The following RAD51B variants were observed in gnomAD, a reference collection of about 807,000 sequenced individuals.
RAD51B encodes the protein RAD51 paralog B.
RAD51B carries 38 observed loss-of-function variants against 42.2 expected under a neutral mutation model. The ratio of observed to expected loss-of-function variants is 0.90; its 90% CI spans 0.70 to 1.18. The LOEUF (loss-of-function observed/expected upper bound fraction) is 1.18. Ranked by LOEUF, RAD51B falls within the 50% of genes most tolerant of loss-of-function variation. RAD51B has a pLI of 0.00. For synonymous variants in RAD51B, 154 were observed against 145.2 expected (o/e 1.06, Z -0.43); for missense variants, 373 against 400.7 (o/e 0.93, Z 0.59).
intron 9 of RAD51B, among the ~76,000 whole-genome samples, chr14:68,448,945 ATCT>A (rs1266260341): frequency 7.9e-5 from 12 of 152,242 alleles, no homozygotes; most frequent in African/African-American, 2.9e-4. Flanking sequence ...ATGGTATATA[ATCT>A]TCTAGGCTTT....
chr14:68,527,059 G>A (rs1242956101), intron 10 of RAD51B, among the ~76,000 whole-genome samples: 1 of 152,144 alleles, frequency 6.6e-6, no homozygotes, highest in Non-Finnish European at 1.5e-5. Context: ...GGCAGAACGG[G>A]GAGCTCAGGA....
intron 7 of RAD51B, among the ~76,000 whole-genome samples, chr14:68,107,605 C>T (rs895874922): frequency 2.0e-5 from 3 of 151,670 alleles, no homozygotes. Flanking sequence ...ACAGTGTGGT[C>T]CTAGCATAGG....
At chr14:67,829,260 T>C (rs571529724) in intron 3 of RAD51B, among the ~76,000 whole-genome samples, 15 of 151,956 alleles carry the variant, frequency 9.9e-5, no homozygotes, top group African/African-American at 3.6e-4. Context: ...TTTTTTTTTT[T>C]GAGACAGAGT....
rs549102531 is a variant in RAD51B at position 67,858,956 on chromosome 14, C to T, written c.316-6047C>T. On this transcript the variant is annotated intron_variant, in intron 4 of 10. Coordinates refer to ENST00000471583, the MANE Select transcript of RAD51B (RefSeq NM_133510.4). The stretch of plus-strand genomic sequence containing the variant: ...AAGTTCCATAAAAATGTTTAGAGCT[C>T]TGAATTTAGACTAGCATTCTCCAAA... Among the ~76,000 whole-genome samples, 23 of 152,324 alleles carry T rather than the reference C, an allele frequency of 1.5e-4. No homozygotes were observed. The East Asian group carries it at 2.9e-3, about 19-fold the overall frequency.
At chr14:68,435,741 A>G (rs2085133036) in intron 9 of RAD51B, among the ~76,000 whole-genome samples, 1 of 152,018 alleles carries the variant, frequency 6.6e-6, no homozygotes. Flanking sequence ...ATGGTATCTC[A>G]TTGTGGTTTT....
intron 5 of RAD51B, among the ~76,000 whole-genome samples, chr14:67,884,413 A>G (rs1239756859): frequency 6.6e-6 from 1 of 152,208 alleles, no homozygotes; most frequent in South Asian, 2.1e-4. Context: ...TCAAATTTTG[A>G]AAAATTTCCA....
chr14:68,376,781 A>G (rs994642094), intron 8 of RAD51B, among the ~76,000 whole-genome samples: 3 of 152,214 alleles, frequency 2.0e-5, no homozygotes, highest in African/African-American at 7.2e-5. Flanking sequence ...TATTCTTGGC[A>G]GTTTACATAG....
intron 7 of RAD51B, among the ~76,000 whole-genome samples, chr14:67,987,726 C>G (rs1018288337): frequency 7.2e-5 from 11 of 152,148 alleles, no homozygotes; most frequent in African/African-American, 2.4e-4. Flanking sequence ...TTTATCTGAA[C>G]TTAACTGAAT....
At chr14:68,360,578 TC>T (rs1341992781) in intron 8 of RAD51B, among the ~76,000 whole-genome samples, 1 of 152,144 alleles carries the variant, frequency 6.6e-6, no homozygotes, top group East Asian at 1.9e-4. Context: ...TCCCAACAAC[TC>T]TACATCGTAT....
At position 68,650,881 on chromosome 14, in the gene RAD51B, TC is replaced by T. The variant is rs759787766; in HGVS notation, c.*11+26del. The T allele has an allele frequency of 1.2e-4, 89 of 736,798 alleles. No homozygotes were observed. The East Asian group carries it at 2.2e-3, about 18-fold the overall frequency. 45.6% of individuals were successfully genotyped at this position (736,798 alleles called of 1,614,324 possible). A position where few individuals can be genotyped will look rare whatever the true frequency, so the allele number is the denominator to read the frequency against. ...GGTATGAACAAAATAGCATTCTCCC[TC>T]ACAACAGGGAAAAGTAACCACTACC... On this transcript the variant is annotated intron_variant, in intron 11 of 11. Transcript: ENST00000488612.
chr14:68,081,166 C>T (rs975467771), intron 7 of RAD51B, among the ~76,000 whole-genome samples: 6 of 152,152 alleles, frequency 3.9e-5, no homozygotes, highest in African/African-American at 1.4e-4. Flanking sequence ...AAATTTTGTC[C>T]TATAATGAGG....
chr14:68,425,123 C>T (rs1481717040), intron 9 of RAD51B, among the ~76,000 whole-genome samples: 1 of 152,188 alleles, frequency 6.6e-6, no homozygotes, highest in African/African-American at 2.4e-5. Flanking sequence ...TAGGACCCCT[C>T]TGTGTAGGGG....
At chr14:68,263,783 T>G (rs1421303339) in intron 7 of RAD51B, among the ~76,000 whole-genome samples, 2 of 152,202 alleles carry the variant, frequency 1.3e-5, no homozygotes, top group Non-Finnish European at 2.9e-5. Context: ...TCATCTGACA[T>G]TTTCTTGTGG....
chr14:68,047,735 C>T (rs1377573332), intron 7 of RAD51B, among the ~76,000 whole-genome samples: 1 of 152,112 alleles, frequency 6.6e-6, no homozygotes, highest in African/African-American at 2.4e-5. Context: ...ATACCTTGAG[C>T]TTATATTTCA....
At chr14:68,232,674 C>T (rs1208010646) in intron 7 of RAD51B, among the ~76,000 whole-genome samples, 1 of 152,184 alleles carries the variant, frequency 6.6e-6, no homozygotes, top group Non-Finnish European at 1.5e-5. Flanking sequence ...AGGATATTGT[C>T]AGAGGTAAAT....
chr14:67,959,828 C>G (rs1442563112), intron 7 of RAD51B, among the ~76,000 whole-genome samples: 1 of 152,112 alleles, frequency 6.6e-6, no homozygotes, highest in Non-Finnish European at 1.5e-5. Context: ...CCCTGTAACC[C>G]TAGCACTTTG....
intron 7 of RAD51B, among the ~76,000 whole-genome samples, chr14:68,042,276 G>A (rs2076230210): frequency 6.6e-6 from 1 of 152,164 alleles, no homozygotes; most frequent in East Asian, 1.9e-4. Context: ...TGTAATCAGA[G>A]CTTGTTTTCT....
intron 8 of RAD51B, among the ~76,000 whole-genome samples, chr14:68,331,367 C>CAAAAAATAAAAAAAAAAAAAAAA (rs2082345009): frequency 3.0e-5 from 1 of 32,946 alleles, no homozygotes; most frequent in African/African-American, 7.8e-5. Context: ...GACTCTGTCT[C>CAAAAAATAAAAAAAAAAAAAAAA]AAAAAAAAAA....
intron 8 of RAD51B, among the ~76,000 whole-genome samples, chr14:68,359,839 T>C (rs1048339285): frequency 6.6e-6 from 1 of 152,176 alleles, no homozygotes; most frequent in African/African-American, 2.4e-5. Context: ...ATAGAGACTT[T>C]AGAGACTAGT....
Sources: gnomAD v4.1 joint callset for allele counts (sites outside exome capture counted in the v4.1 genomes callset) on GRCh38, gnomAD v4.1.1 for gene constraint, MANE v1.5 for transcripts, NCBI Gene and HGNC (gene_info 2026-07-23, HGNC 2026-07-21) for gene names.